The following SEMA3A variants were observed in gnomAD, a reference collection of about 807,000 sequenced individuals.
The protein encoded by SEMA3A is semaphorin 3A.
Under a neutral mutation model 97.9 loss-of-function variants are expected in SEMA3A, and 29 were observed. The ratio of observed to expected loss-of-function variants is 0.30; its 90% CI spans 0.22 to 0.40. SEMA3A has a LOEUF of 0.40. Ranked by LOEUF, SEMA3A falls within the 10% of genes least tolerant of loss-of-function variation. The probability of loss-of-function intolerance (pLI) is 1.00; values close to 1 mark genes in which losing one functional copy is unlikely to be tolerated. For synonymous variants in SEMA3A, 321 were observed against 323.7 expected (o/e 0.99, Z 0.09); for missense variants, 763 against 951.3 (o/e 0.80, Z 2.60).
intron 15 of SEMA3A, among the ~76,000 whole-genome samples, chr7:83,965,670 T>A (rs867090792): frequency 8.9e-3 from 356 of 39,882 alleles, no homozygotes; most frequent in East Asian, 0.029. Flanking sequence ...ATATATATTT[T>A]TTTTTTTTTT....
At chr7:84,030,839 CTG>C (rs976468239) in intron 6 of SEMA3A, among the ~76,000 whole-genome samples, 5 of 152,102 alleles carry the variant, frequency 3.3e-5, no homozygotes, top group Admixed American at 3.3e-4. Context: ...ATTTTTAACA[CTG>C]TACTTGGAAA....
intron 2 of SEMA3A, among the ~76,000 whole-genome samples, chr7:84,330,227 C>CTT: frequency 6.6e-6 from 1 of 152,008 alleles, no homozygotes; most frequent in East Asian, 1.9e-4. Context: ...AACAAACCTG[C>CTT]ACATGTACCC....
At chr7:84,162,216 T>C (rs937434043) in intron 1 of SEMA3A, among the ~76,000 whole-genome samples, 2 of 152,190 alleles carry the variant, frequency 1.3e-5, no homozygotes, top group African/African-American at 4.8e-5. Context: ...TTATTAGGCC[T>C]ATTTTTTCTC....
intron 5 of SEMA3A, among the ~76,000 whole-genome samples, chr7:84,053,959 C>T (rs1417053441): frequency 1.3e-5 from 2 of 149,236 alleles, no homozygotes; most frequent in South Asian, 4.4e-4. Flanking sequence ...TTTTATTTCT[C>T]CTTCACTTAT....
intron 3 of SEMA3A, among the ~76,000 whole-genome samples, chr7:84,235,368 T>C (rs571988610): frequency 2.6e-5 from 4 of 152,172 alleles, no homozygotes; most frequent in Non-Finnish European, 4.4e-5. Context: ...AAGTGTCTTG[T>C]ATGTGAATAA....
At chr7:84,423,915 G>A (rs1388731435) in intron 1 of SEMA3A, among the ~76,000 whole-genome samples, 3 of 151,836 alleles carry the variant, frequency 2.0e-5, no homozygotes, top group African/African-American at 7.3e-5. Context: ...CTAATTATCA[G>A]GGGAATGCAA....
chr7:84,055,353 G>C (rs562052515), intron 5 of SEMA3A, among the ~76,000 whole-genome samples: 1 of 152,168 alleles, frequency 6.6e-6, no homozygotes, highest in Non-Finnish European at 1.5e-5. Context: ...AGCAATCAGC[G>C]AGACTCCGTG....
At chr7:84,079,563 A>C (rs189668817) in intron 4 of SEMA3A, among the ~76,000 whole-genome samples, 2,172 of 152,224 alleles carry the variant, frequency 0.014, 53 homozygotes, top group African/African-American at 0.05. Context: ...GACACTTCTC[A>C]AAAGAAGACA....
chr7:84,464,495 A>C, intron 1 of SEMA3A, among the ~76,000 whole-genome samples: 1 of 152,330 alleles, frequency 6.6e-6, no homozygotes, highest in Admixed American at 6.5e-5. Flanking sequence ...CATGTTTAAT[A>C]GGTTTAAGAA....
intron 15 of SEMA3A, among the ~76,000 whole-genome samples, chr7:83,968,936 G>A (rs1187731510): frequency 2.0e-5 from 3 of 149,966 alleles, no homozygotes; most frequent in Non-Finnish European, 3.0e-5. Flanking sequence ...TCAGCCTCCA[G>A]AGTAGCTGGG....
At chr7:84,001,596 G>A (rs997115332) in intron 12 of SEMA3A, among the ~76,000 whole-genome samples, 1 of 151,880 alleles carries the variant, frequency 6.6e-6, no homozygotes, top group African/African-American at 2.4e-5. Context: ...GTACATTCAT[G>A]GAAGTTACAT....
At chr7:84,431,407 T>C (rs994030008) in intron 1 of SEMA3A, among the ~76,000 whole-genome samples, 1 of 152,016 alleles carries the variant, frequency 6.6e-6, no homozygotes, top group East Asian at 1.9e-4. Context: ...TCTATTAGCC[T>C]TTTAAAGCTC....
intron 1 of SEMA3A, among the ~76,000 whole-genome samples, chr7:84,482,135 C>T: frequency 8.5e-6 from 1 of 117,122 alleles, no homozygotes; most frequent in African/African-American, 4.0e-5. Context: ...CTATTTCAAA[C>T]TTCTCATCGT....
intron 1 of SEMA3A, among the ~76,000 whole-genome samples, chr7:84,178,429 C>T (rs1797641409): frequency 6.6e-6 from 1 of 151,766 alleles, no homozygotes; most frequent in Admixed American, 6.6e-5. Flanking sequence ...GTCCAAGTCT[C>T]ATGTAATCTA....
At chr7:83,988,753 T>C (rs1272770545) in intron 12 of SEMA3A, among the ~76,000 whole-genome samples, 2 of 152,106 alleles carry the variant, frequency 1.3e-5, no homozygotes, top group African/African-American at 4.8e-5. Context: ...AAGACAATTA[T>C]GATGAAAGGA....
At chr7:84,114,812 C>T (rs559335619) in intron 3 of SEMA3A, among the ~76,000 whole-genome samples, 63 of 151,854 alleles carry the variant, frequency 4.1e-4, no homozygotes, top group Non-Finnish European at 6.2e-4. Context: ...AGCTGTAATC[C>T]GATCATCCAT....
At chr7:84,291,670 C>A (rs1308530571) in intron 3 of SEMA3A, among the ~76,000 whole-genome samples, 1 of 152,006 alleles carries the variant, frequency 6.6e-6, no homozygotes, top group African/African-American at 2.4e-5. Context: ...AAGGGCCATC[C>A]AGAAATATAA....
At chr7:84,418,276 T>A (rs1205545785) in intron 1 of SEMA3A, among the ~76,000 whole-genome samples, 1 of 152,062 alleles carries the variant, frequency 6.6e-6, no homozygotes, top group Admixed American at 6.6e-5. Context: ...GACAGATGAA[T>A]GAGGAGCAAA....
At chr7:84,417,597 A>G (rs1435311396) in intron 1 of SEMA3A, among the ~76,000 whole-genome samples, 1 of 152,110 alleles carries the variant, frequency 6.6e-6, no homozygotes, top group African/African-American at 2.4e-5. Flanking sequence ...AAACGTATTT[A>G]TTGCTTGAAT....
Sources: allele counts gnomAD v4.1 joint callset (sites outside exome capture counted in the v4.1 genomes callset), GRCh38; gene constraint gnomAD v4.1.1; transcripts MANE v1.5; gene names NCBI Gene and HGNC (gene_info 2026-07-23, HGNC 2026-07-21).